NTRK3: variants seen among roughly 807,000 people sequenced by gnomAD.
NTRK3 encodes neurotrophic receptor tyrosine kinase 3.
NTRK3 carries 24 observed loss-of-function variants against 91.7 expected under a neutral mutation model. The ratio of observed to expected loss-of-function variants is 0.26; its 90% confidence interval spans 0.19 to 0.37. NTRK3 has a LOEUF of 0.37. Among genes scored for constraint, NTRK3 ranks in the 10% least tolerant of loss-of-function variants. The pLI is 1.00. For synonymous variants in NTRK3, 483 were observed against 404.0 expected (o/e 1.20, Z -2.34); for missense variants, 880 against 1,068.9 (o/e 0.82, Z 2.46).
rs118094965 is a variant in NTRK3, at chr15:88,234,103, C to T, written c.248+21803G>A. Among the ~76,000 whole-genome samples, 150 of 152,248 alleles carry T rather than the reference C, an allele frequency of 9.9e-4. 3 individuals are homozygous for T. The East Asian group carries it at 0.021, about 22-fold the overall frequency. On this transcript the variant is annotated intron_variant, in intron 3 of 18. Transcript: ENST00000394480. The surrounding 1 kb of genome is among the most constrained non-coding windows in gnomAD (Gnocchi z 6.1). ...CATGGCAAAGGAGGTCCACAGTCAC[C>T]GTCCTGTGCCAGGCCAGCCTGCCAG...
At chr15:87,891,002 G>A (rs1003195913) in intron 17 of NTRK3, among the ~76,000 whole-genome samples, 1 of 152,026 alleles carries the variant, frequency 6.6e-6, no homozygotes, top group Non-Finnish European at 1.5e-5. Flanking sequence ...AATTTACAGA[G>A]CTTTTACTTC....
At chr15:88,118,908 T>C (rs1394995904) in intron 13 of NTRK3, among the ~76,000 whole-genome samples, 1 of 152,242 alleles carries the variant, frequency 6.6e-6, no homozygotes, top group African/African-American at 2.4e-5. Context: ...GAATCTGAGA[T>C]GCCATCACTT....
At chr15:87,933,067 G>T (rs373273419) in exon 16 of NTRK3, 1 of 1,613,996 alleles carries the variant, frequency 6.2e-7, no homozygotes, top group Non-Finnish European at 8.5e-7. Context: ...ATGATGAGGG[G>T]GTCCCCATCG....
chr15:88,033,078 G>C (rs2142025398), intron 13 of NTRK3, 33 bp from the exon 14 acceptor site: 1 of 1,548,128 alleles, frequency 6.5e-7, no homozygotes, highest in Non-Finnish European at 8.7e-7. Context: ...AGGACCTGGT[G>C]ACGTCACATC....
intron 5 of NTRK3, among the ~76,000 whole-genome samples, chr15:88,183,135 A>G (rs1452374358): frequency 6.6e-6 from 1 of 151,702 alleles, no homozygotes; most frequent in African/African-American, 2.4e-5. Flanking sequence ...CGTTCCCATA[A>G]AATTGCAAGT....
At chr15:87,987,716 A>C (rs1451834558) in intron 14 of NTRK3, among the ~76,000 whole-genome samples, 1 of 151,754 alleles carries the variant, frequency 6.6e-6, no homozygotes, top group Non-Finnish European at 1.5e-5. Context: ...AAATGTATTC[A>C]CCTTTCCCTT....
At chr15:88,041,744 C>G (rs1401445907) in intron 13 of NTRK3, among the ~76,000 whole-genome samples, 1 of 149,548 alleles carries the variant, frequency 6.7e-6, no homozygotes, top group Non-Finnish European at 1.5e-5. Context: ...TCCACATTTA[C>G]CAATGGTACT....
At position 88,256,018 on chromosome 15, in the gene NTRK3, G is replaced by A. The variant is rs774269690; in HGVS notation, c.136C>T (p.Arg46Trp). The change falls in exon 3 of 19, where the codon CGG (arginine) becomes TGG (tryptophan). Residue 46 changes from arginine (R) to tryptophan (W), a missense_variant. This residue lies in a region of NTRK3 where 743 missense variants were observed against 868.6 expected (regional missense o/e 0.86). Transcript: ENST00000394480. ...AAGAGGTTCCCATCGTCCGGCCGCC[G>A]GCAATTGATCTCAGTCTTGCTGCAG... 4 of 1,613,544 alleles carry A rather than the reference G, an allele frequency of 2.5e-6. 1 individual carries two copies. In the South Asian group the frequency reaches 3.3e-5, roughly 13 times the overall value.
intron 3 of NTRK3, among the ~76,000 whole-genome samples, chr15:88,239,353 T>C (rs1015018120): frequency 6.6e-6 from 1 of 151,324 alleles, no homozygotes; most frequent in Non-Finnish European, 1.5e-5. Flanking sequence ...AGCCTGAACA[T>C]GAACAGCTCT....
At chr15:87,981,769 C>G (rs765093108) in intron 14 of NTRK3, among the ~76,000 whole-genome samples, 2 of 152,170 alleles carry the variant, frequency 1.3e-5, no homozygotes, top group African/African-American at 4.8e-5. Context: ...ATCCTGGACC[C>G]AAGACCCTCT....
intron 15 of NTRK3, among the ~76,000 whole-genome samples, chr15:87,937,132 A>T (rs1326112394): frequency 6.6e-6 from 1 of 152,042 alleles, no homozygotes; most frequent in Non-Finnish European, 1.5e-5. Flanking sequence ...ACTCCTTATG[A>T]CCTCTACAGA....
intron 5 of NTRK3, among the ~76,000 whole-genome samples, chr15:88,175,156 T>C (rs1306594411): frequency 1.3e-5 from 2 of 152,234 alleles, no homozygotes; most frequent in Non-Finnish European, 2.9e-5. Flanking sequence ...TCTTTCTTTT[T>C]CTTAGCCACA....
intron 15 of NTRK3, 120 bp downstream of exon 15, chr15:87,940,503 T>C (rs1238978939): frequency 4.6e-6 from 7 of 1,511,292 alleles, no homozygotes; most frequent in East Asian, 4.5e-5. Context: ...GCAAAGTCCT[T>C]TGATTGCATC....
At chr15:87,881,683 T>C (rs1003814585) in intron 17 of NTRK3, among the ~76,000 whole-genome samples, 1 of 152,016 alleles carries the variant, frequency 6.6e-6, no homozygotes, top group South Asian at 2.1e-4. Flanking sequence ...CCTCCCAAAG[T>C]GCTGGGATTA....
intron 17 of NTRK3, among the ~76,000 whole-genome samples, chr15:87,895,882 A>G (rs747513065): frequency 6.6e-6 from 1 of 151,642 alleles, no homozygotes; most frequent in East Asian, 1.9e-4. Flanking sequence ...TAACCTGAAC[A>G]TTCCTTCCCA....
chr15:87,925,236 T>C (rs1321086560), intron 17 of NTRK3, among the ~76,000 whole-genome samples: 1 of 152,170 alleles, frequency 6.6e-6, no homozygotes, highest in Non-Finnish European at 1.5e-5. Flanking sequence ...TTGTTTTCTC[T>C]CTCTAAATGT....
intron 13 of NTRK3, among the ~76,000 whole-genome samples, chr15:88,041,607 G>A (rs141221827): frequency 6.6e-4 from 101 of 152,224 alleles, no homozygotes; most frequent in African/African-American, 2.3e-3. Context: ...CTCAGCCCCA[G>A]TCCCTCAGTG....
At chr15:87,991,249 A>G (rs900449257) in intron 14 of NTRK3, among the ~76,000 whole-genome samples, 2 of 152,242 alleles carry the variant, frequency 1.3e-5, no homozygotes, top group African/African-American at 4.8e-5. Context: ...CCCTGGCTAC[A>G]TAAGGTTTGG....
chr15:88,049,240 G>C (rs2080565085), intron 13 of NTRK3, among the ~76,000 whole-genome samples: 2 of 152,166 alleles, frequency 1.3e-5, no homozygotes. Flanking sequence ...AGTATGCCTA[G>C]TCTATTTTAA....
Sources: allele counts gnomAD v4.1 joint callset (sites outside exome capture counted in the v4.1 genomes callset), GRCh38; gene constraint gnomAD v4.1.1; regional missense constraint gnomAD v4.1.1; non-coding constraint Gnocchi (gnomAD v3.1); transcripts MANE v1.5; gene names NCBI Gene and HGNC (gene_info 2026-07-23, HGNC 2026-07-21).